Variants in PLCB1 observed in about 807,000 individuals in gnomAD.
PLCB1 encodes the protein phospholipase C beta 1.
PLCB1 carries 46 observed loss-of-function variants against 161.8 expected under a neutral mutation model. The observed-to-expected ratio is 0.28, with a 90% CI of 0.22 to 0.36. The LOEUF is 0.36. Among genes scored for constraint, PLCB1 ranks in the 10% least tolerant of loss-of-function variants. PLCB1 has a pLI of 1.00. For missense variants in PLCB1, 1,016 were observed against 1,472.5 expected, an observed-to-expected ratio of 0.69 and a Z score of 5.07; for synonymous variants, 517 against 503.7, an observed-to-expected ratio of 1.03 and a Z score of -0.35.
intron 3 of PLCB1, among the ~76,000 whole-genome samples, chr20:8,395,988 C>T (rs983728982): frequency 2.6e-5 from 4 of 152,034 alleles, no homozygotes; most frequent in African/African-American, 9.7e-5. Flanking sequence ...ACTCATCAAG[C>T]TTCTTTTAAT....
chr20:8,262,420 C>A (rs1037255631), intron 2 of PLCB1, among the ~76,000 whole-genome samples: 1 of 151,878 alleles, frequency 6.6e-6, no homozygotes, highest in Non-Finnish European at 1.5e-5. Context: ...AAGGAAATAC[C>A]CAAATATTAG....
At position 8,576,819 on chromosome 20, in the gene PLCB1, G is replaced by A. The variant is rs143732115; in HGVS notation, c.247-51475G>A. Among the ~76,000 whole-genome samples the A allele has an allele frequency of 3.1e-3, 471 of 152,214 alleles. 4 individuals are homozygous for A. The highest frequency in any genetic ancestry group is 0.01 in the African/African-American group (417 of 41,530). On this transcript the variant is annotated intron_variant, in intron 3 of 31. Coordinates refer to ENST00000338037, the MANE Select transcript of PLCB1 (RefSeq NM_015192.4). ...AGATATTAAAACATAATATTTTTAA[G>A]TTGTAGCCATCAATTTAATGATTAA...
chr20:8,462,174 A>G (rs1981609079), intron 3 of PLCB1, among the ~76,000 whole-genome samples: 1 of 152,190 alleles, frequency 6.6e-6, no homozygotes, highest in Non-Finnish European at 1.5e-5. Context: ...AAAAATCACA[A>G]GGGGTAACAT....
intron 3 of PLCB1, among the ~76,000 whole-genome samples, chr20:8,399,914 T>A (rs1978474602): frequency 6.6e-6 from 1 of 152,208 alleles, no homozygotes; most frequent in South Asian, 2.1e-4. Flanking sequence ...CATGCCATCA[T>A]ATAAGTTGTT....
At chr20:8,363,368 A>G (rs1465570734) in intron 2 of PLCB1, among the ~76,000 whole-genome samples, 1 of 152,102 alleles carries the variant, frequency 6.6e-6, no homozygotes, top group African/African-American at 2.4e-5. Flanking sequence ...TGTTGCCAGA[A>G]TTCAGTTCCT....
At chr20:8,840,094 T>C (rs1468778023) in intron 31 of PLCB1, among the ~76,000 whole-genome samples, 1 of 152,134 alleles carries the variant, frequency 6.6e-6, no homozygotes, top group Admixed American at 6.6e-5. Flanking sequence ...TATATGTTGT[T>C]TTTTTCTCAC....
chr20:8,281,722 A>G (rs1356185001), intron 2 of PLCB1, among the ~76,000 whole-genome samples: 1 of 152,078 alleles, frequency 6.6e-6, no homozygotes, highest in African/African-American at 2.4e-5. Context: ...AATTCCTGAC[A>G]CACTTATCAT....
In PLCB1 at chr20:8,150,310, C is replaced by T. The variant is rs751520312; in HGVS notation, c.116C>T (p.Thr39Ile). Residue 39 changes from threonine to isoleucine, a missense_variant, in exon 2 of 32, where the codon ACT becomes ATT. Physicochemically the swap from Thr to Ile is moderately conservative, Grantham distance 89. Transcript: ENST00000338037. ...VKWDDDSTIV[T>I]PIILRTDPQG... The stretch of plus-strand genomic sequence containing the variant: ...CATTTCTAGGACTCAACTATTGTTA[C>T]TCCAATTATTTTGAGGACTGACCCT... 1.8e-5 allele frequency: 27 copies of T among 1,524,070 alleles called. No individual in the cohort carries two copies. In the African/African-American group the frequency reaches 3.3e-4, roughly 19 times the overall value. 94.4% of individuals were successfully genotyped at this position (1,524,070 alleles called of 1,614,324 possible).
At chr20:8,323,261 G>T (rs1219078821) in intron 2 of PLCB1, among the ~76,000 whole-genome samples, 5 of 152,146 alleles carry the variant, frequency 3.3e-5, no homozygotes, top group Non-Finnish European at 7.4e-5. Context: ...AATACACAAT[G>T]TTCCAATTAT....
At chr20:8,604,062 G>A (rs1364956891) in intron 3 of PLCB1, among the ~76,000 whole-genome samples, 1 of 152,010 alleles carries the variant, frequency 6.6e-6, no homozygotes, top group Non-Finnish European at 1.5e-5. Flanking sequence ...AGATCAACCT[G>A]GCCAACATGG....
chr20:8,567,381 T>G (rs1026507947), intron 3 of PLCB1, among the ~76,000 whole-genome samples: 9 of 152,222 alleles, frequency 5.9e-5, no homozygotes, highest in African/African-American at 1.7e-4. Context: ...CTAACAGTTT[T>G]TAGCCTAAAT....
Position 8,523,496 on chromosome 20 carries a change from C to CTCTATA in PLCB1, c.247-104797_247-104796insCTATAT. On this transcript the variant is annotated intron_variant, in intron 3 of 31. Transcript: ENST00000338037. Reference sequence around the variant, plus strand: ...TCTCTCTCTCTCTCTCTCTCTCTCTCTATATATATATATATATATATATAT... The same window carrying CTCTATA: ...TCTCTCTCTCTCTCTCTCTCTCTCTCTCTATATATATATATATATATATATATATAT... 3.1e-3 allele frequency among the ~76,000 whole-genome samples: 159 copies of CTCTATA among 51,636 alleles called. 1 individual carries two copies. Among genetic ancestry groups the CTCTATA allele is most frequent in the East Asian group, 0.013 (32 of 2,520 alleles). 33.9% of individuals were successfully genotyped at this position (51,636 alleles called of 152,430 possible).
At chr20:8,827,346 G>A (rs763133119) in intron 31 of PLCB1, among the ~76,000 whole-genome samples, 1 of 152,098 alleles carries the variant, frequency 6.6e-6, no homozygotes, top group South Asian at 2.1e-4. Context: ...ATAAAATCAA[G>A]ACATCAACTG....
At chr20:8,197,546 A>T (rs912171965) in intron 2 of PLCB1, among the ~76,000 whole-genome samples, 38 of 152,128 alleles carry the variant, frequency 2.5e-4, no homozygotes, top group Non-Finnish European at 4.7e-4. Flanking sequence ...TTCATTGTAG[A>T]TTCTGGATAT....
chr20:8,323,665 A>G (rs1256398731), intron 2 of PLCB1, among the ~76,000 whole-genome samples: 1 of 152,156 alleles, frequency 6.6e-6, no homozygotes, highest in Non-Finnish European at 1.5e-5. Context: ...AGGCTTCTCT[A>G]GGTTAGAAGC....
At chr20:8,269,012 A>C (rs927067733) in intron 2 of PLCB1, among the ~76,000 whole-genome samples, 3 of 150,142 alleles carry the variant, frequency 2.0e-5, no homozygotes, top group African/African-American at 7.4e-5. Context: ...TGCTTCAGAG[A>C]AAATGAATTT....
intron 4 of PLCB1, among the ~76,000 whole-genome samples, chr20:8,643,373 T>C (rs967364421): frequency 3.9e-5 from 6 of 152,186 alleles, no homozygotes; most frequent in Non-Finnish European, 8.8e-5. Context: ...TCTTTTCTAA[T>C]TCCTATTAGA....
At chr20:8,465,697 T>C (rs1482471985) in intron 3 of PLCB1, among the ~76,000 whole-genome samples, 1 of 152,018 alleles carries the variant, frequency 6.6e-6, no homozygotes, top group Non-Finnish European at 1.5e-5. Context: ...AGAAGACATT[T>C]ATGCAGCCAA....
intron 3 of PLCB1, among the ~76,000 whole-genome samples, chr20:8,394,336 A>G (rs1391955949): frequency 6.6e-6 from 1 of 152,234 alleles, no homozygotes; most frequent in East Asian, 1.9e-4. Flanking sequence ...TAAAAGTGGT[A>G]GAACTTACTT....
Sources: allele counts gnomAD v4.1 joint callset (sites outside exome capture counted in the v4.1 genomes callset), GRCh38; gene constraint gnomAD v4.1.1; transcripts MANE v1.5; gene names NCBI Gene and HGNC (gene_info 2026-07-23, HGNC 2026-07-21).